PHTF2: variants seen among roughly 807,000 people sequenced by gnomAD.
The protein encoded by PHTF2 is protein PHTF2.
A neutral mutation model predicts 101.2 loss-of-function variants in PHTF2; 60 were observed. The observed-to-expected ratio is 0.59, with a 90% confidence interval of 0.48 to 0.73. PHTF2 has a LOEUF of 0.73. Among genes scored for constraint, PHTF2 ranks in the 30% least tolerant of loss-of-function variants. The pLI is 0.00. For synonymous variants in PHTF2, 311 were observed against 307.3 expected, an observed-to-expected ratio of 1.01 and a Z score of -0.13; for missense variants, 747 against 908.7, an observed-to-expected ratio of 0.82 and a Z score of 2.29.
intron 9 of PHTF2, among the ~76,000 whole-genome samples, chr7:77,914,137 A>T (rs1166979885): frequency 6.6e-6 from 1 of 152,070 alleles, no homozygotes; most frequent in African/African-American, 2.4e-5. Context: ...ATTGAGTCAC[A>T]TGCTGGGAGT....
At position 77,920,469 on chromosome 7, in the gene PHTF2, C is replaced by A. The variant is rs755305949; in HGVS notation, c.963+4C>A. 6.2e-7 allele frequency: 1 copy of A among 1,608,110 alleles called. No homozygotes were observed. Among genetic ancestry groups the A allele is most frequent in the Non-Finnish European group, 8.5e-7 (1 of 1,175,620 alleles). ...ACTGAGGAATGGTCCTAGCAAAGTACGTGTGATTTTTAAAATAGTTTGCCT... is the reference window on the plus strand; with the variant it reads ...ACTGAGGAATGGTCCTAGCAAAGTAAGTGTGATTTTTAAAATAGTTTGCCT... On this transcript the variant is annotated splice_donor_region_variant and intron_variant, in intron 10 of 19. Coordinates refer to ENST00000416283, the Ensembl canonical transcript of PHTF2.
chr7:77,886,415 G>T (rs1261351639), intron 3 of PHTF2, among the ~76,000 whole-genome samples: 1 of 152,098 alleles, frequency 6.6e-6, no homozygotes, highest in African/African-American at 2.4e-5. Context: ...CTAGACAAAG[G>T]CAGTCTTTTT....
chr7:77,895,873 C>T (rs1297152603), intron 5 of PHTF2: 3 of 152,088 alleles, frequency 2.0e-5, no homozygotes, highest in African/African-American at 7.2e-5. Context: ...TAAAAACTTG[C>T]TCTTTTGGTA....
At chr7:77,948,384 G>A (rs2150991464) in intron 16 of PHTF2, among the ~76,000 whole-genome samples, 1 of 152,158 alleles carries the variant, frequency 6.6e-6, no homozygotes. Context: ...AAAACCAAAT[G>A]ACTTCATGCT....
At chr7:77,848,556 A>T (rs1796489126) in intron 2 of PHTF2, among the ~76,000 whole-genome samples, 1 of 152,178 alleles carries the variant, frequency 6.6e-6, no homozygotes, top group African/African-American at 2.4e-5. Context: ...AAAATGGATT[A>T]TTAGATTTTT....
intron 3 of PHTF2, among the ~76,000 whole-genome samples, chr7:77,892,349 A>G (rs187621129): frequency 2.6e-5 from 4 of 152,194 alleles, no homozygotes; most frequent in Non-Finnish European, 2.9e-5. Context: ...ATTTTATTCT[A>G]CCTCCTTTGT....
intron 3 of PHTF2, among the ~76,000 whole-genome samples, chr7:77,863,934 C>G (rs1352626164): frequency 6.6e-6 from 1 of 151,956 alleles, no homozygotes; most frequent in African/African-American, 2.4e-5. Flanking sequence ...GAGCCACCAT[C>G]CCCGCTTAGT....
At chr7:77,909,575 C>T (rs938088737) in intron 8 of PHTF2, 1 of 152,252 alleles carries the variant, frequency 6.6e-6, no homozygotes, top group East Asian at 1.9e-4. Context: ...ACTTTATTGT[C>T]CAGGCTAGTC....
At chr7:77,850,360 CAAAAAAAAAAAAA>C (rs71082789) in intron 2 of PHTF2, among the ~76,000 whole-genome samples, 1 of 44,378 alleles carries the variant, frequency 2.3e-5, no homozygotes, top group Non-Finnish European at 4.1e-5. Context: ...GACCTTGTCT[CAAAAAAAAAAAAA>C]AAAAAAAAAA....
Position 77,802,467 on chromosome 7 carries a change from G to A in PHTF2, c.-36+3496G>A, listed in dbSNP as rs183324810. 6.2e-4 allele frequency among the ~76,000 whole-genome samples: 94 copies of A among 152,288 alleles called. 1 individual carries two copies. Among genetic ancestry groups the A allele is most frequent in the Non-Finnish European group, 1.2e-4 (8 of 68,026 alleles). On this transcript the variant is annotated intron_variant, in intron 1 of 19. Transcript: ENST00000416283. Reference sequence around the variant, plus strand: ...TTTACCTAGCCTGTAGCCACATGGAGTCATTATTGTGAACTCCCCTTTGCA... The same window carrying A: ...TTTACCTAGCCTGTAGCCACATGGAATCATTATTGTGAACTCCCCTTTGCA...
chr7:77,848,660 T>C (rs957461979), intron 2 of PHTF2, among the ~76,000 whole-genome samples: 22 of 152,192 alleles, frequency 1.4e-4, no homozygotes, highest in African/African-American at 5.3e-4. Context: ...TTCTGTAGGT[T>C]GTCTCTTTGT....
At chr7:77,896,281 T>A (rs545492489) in intron 5 of PHTF2, among the ~76,000 whole-genome samples, 1 of 152,272 alleles carries the variant, frequency 6.6e-6, no homozygotes, top group East Asian at 1.9e-4. Flanking sequence ...CATTAATCAA[T>A]TTATCTGGCT....
intron 3 of PHTF2, among the ~76,000 whole-genome samples, chr7:77,864,282 G>T (rs7790082): frequency 6.6e-6 from 1 of 152,040 alleles, no homozygotes; most frequent in Admixed American, 6.6e-5. Context: ...CAAATCTGTT[G>T]TGATCTCCCT....
rs376581612 is a variant in PHTF2, at chr7:77,880,854, T to C, written c.148-12754T>C. On this transcript the variant is annotated intron_variant, in intron 3 of 19. Coordinates refer to ENST00000416283, the Ensembl canonical transcript of PHTF2. ...CATGCCTGGCATACTTGTAGGTGTTTGGTGGTAGAGTATGTGTGGATATTT... is the reference window on the plus strand; with the variant it reads ...CATGCCTGGCATACTTGTAGGTGTTCGGTGGTAGAGTATGTGTGGATATTT... 8.3e-4 allele frequency among the ~76,000 whole-genome samples: 126 copies of C among 152,312 alleles called. 3 individuals carry two copies. The South Asian group carries it at 0.018, about 21-fold the overall frequency.
intron 9 of PHTF2, among the ~76,000 whole-genome samples, chr7:77,910,801 C>G: frequency 6.6e-6 from 1 of 152,080 alleles, no homozygotes; most frequent in Non-Finnish European, 1.5e-5. Flanking sequence ...GCCACCACAC[C>G]TGGCTAATTT....
At chr7:77,801,976 A>C (rs1406729237) in intron 1 of PHTF2, among the ~76,000 whole-genome samples, 1 of 152,246 alleles carries the variant, frequency 6.6e-6, no homozygotes, top group Non-Finnish European at 1.5e-5. Context: ...TAAAATATAT[A>C]AAGTACGGGC....
At chr7:77,819,273 T>C (rs1003754535) in intron 1 of PHTF2, among the ~76,000 whole-genome samples, 1 of 152,244 alleles carries the variant, frequency 6.6e-6, no homozygotes, top group East Asian at 1.9e-4. Context: ...AGTAGTATAT[T>C]GAATAAGAGT....
intron 11 of PHTF2, chr7:77,923,202 C>G: frequency 1.1e-6 from 1 of 920,140 alleles, no homozygotes; most frequent in Non-Finnish European, 1.3e-6. Flanking sequence ...GTTCTTTTTT[C>G]TTTGTTTCTA....
chr7:77,935,514 C>T (rs771635445), intron 12 of PHTF2, among the ~76,000 whole-genome samples: 1 of 152,124 alleles, frequency 6.6e-6, no homozygotes, highest in Admixed American at 6.5e-5. Context: ...CGTGAGCCAC[C>T]GCGCCCGGCG....
Sources: gnomAD v4.1 joint callset for allele counts (sites outside exome capture counted in the v4.1 genomes callset) on GRCh38, gnomAD v4.1.1 for gene constraint, MANE v1.5 for transcripts, NCBI Gene and HGNC (gene_info 2026-07-23, HGNC 2026-07-21) for gene names.